HS6ST3: variants seen among roughly 807,000 people sequenced by gnomAD.
HS6ST3 encodes heparan sulfate 6-O-sulfotransferase 3, also known as heparan-sulfate 6-O-sulfotransferase 3.
In HS6ST3, 12 loss-of-function variants were observed where a neutral mutation model predicts 36.7. The ratio of observed to expected loss-of-function variants is 0.33; its 90% CI spans 0.21 to 0.53. The LOEUF (loss-of-function observed/expected upper bound fraction) is 0.53. Ranked by LOEUF, HS6ST3 falls within the 20% of genes least tolerant of loss-of-function variation. The pLI is 0.95. For synonymous variants in HS6ST3, 240 were observed against 257.5 expected (o/e 0.93, Z 0.65); for missense variants, 584 against 640.9 (o/e 0.91, Z 0.96).
At chr13:96,263,276 A>G (rs1285117672) in intron 1 of HS6ST3, among the ~76,000 whole-genome samples, 2 of 152,224 alleles carry the variant, frequency 1.3e-5, no homozygotes, top group East Asian at 1.9e-4. Context: ...TAAAGTTTCA[A>G]TATAGTTTTC....
intron 1 of HS6ST3, among the ~76,000 whole-genome samples, chr13:96,528,254 C>T (rs753217526): frequency 6.6e-6 from 1 of 152,120 alleles, no homozygotes; most frequent in Non-Finnish European, 1.5e-5. Flanking sequence ...TTACTTGAAA[C>T]AATATCTTAC....
At chr13:96,440,534 T>C (rs944715344) in intron 1 of HS6ST3, among the ~76,000 whole-genome samples, 1 of 127,616 alleles carries the variant, frequency 7.8e-6, no homozygotes, top group African/African-American at 3.2e-5. Flanking sequence ...GAAAAGAGGG[T>C]TTTCTTAGTT....
rs143534326 is a variant in HS6ST3, at chr13:96,548,657, C to G, written c.708-283833C>G. ...CATCTGTCATCAAATAAAGAATTGG[C>G]TTGTGTCCAAAATCTGCAGAGCCAG... is the stretch of plus-strand genomic sequence containing the variant. On this transcript the variant is annotated intron_variant, in intron 1 of 1. Transcript: ENST00000376705. 1.4e-3 allele frequency among the ~76,000 whole-genome samples: 219 copies of G among 152,270 alleles called. 1 individual carries two copies. Among genetic ancestry groups the G allele is most frequent in the African/African-American group, 5.1e-3 (213 of 41,584 alleles).
intron 1 of HS6ST3, among the ~76,000 whole-genome samples, chr13:96,265,817 A>G (rs867736426): frequency 2.6e-5 from 4 of 152,188 alleles, no homozygotes; most frequent in African/African-American, 4.8e-5. Flanking sequence ...TTAATTGCCT[A>G]TGAATTCCAT....
At chr13:96,341,038 C>T (rs1191191933) in intron 1 of HS6ST3, among the ~76,000 whole-genome samples, 1 of 152,070 alleles carries the variant, frequency 6.6e-6, no homozygotes, top group Non-Finnish European at 1.5e-5. Flanking sequence ...CATACATTTG[C>T]TATGGAATAA....
intron 1 of HS6ST3, among the ~76,000 whole-genome samples, chr13:96,535,465 G>A (rs2056151694): frequency 6.6e-6 from 1 of 151,768 alleles, no homozygotes; most frequent in East Asian, 1.9e-4. Context: ...GGCTGAGGCA[G>A]GAGAATCTCT....
chr13:96,513,441 A>T (rs2056058996), intron 1 of HS6ST3, among the ~76,000 whole-genome samples: 1 of 152,040 alleles, frequency 6.6e-6, no homozygotes, highest in Admixed American at 6.6e-5. Flanking sequence ...TAATTTAAAT[A>T]ACTTTGCTAA....
intron 1 of HS6ST3, among the ~76,000 whole-genome samples, chr13:96,679,228 A>G (rs1442020568): frequency 6.6e-6 from 1 of 151,368 alleles, no homozygotes; most frequent in African/African-American, 2.4e-5. Context: ...CTGGGTTCGA[A>G]GCATCAGTAG....
At chr13:96,627,640 A>G (rs1273196581) in intron 1 of HS6ST3, among the ~76,000 whole-genome samples, 1 of 151,902 alleles carries the variant, frequency 6.6e-6, no homozygotes, top group Non-Finnish European at 1.5e-5. Flanking sequence ...AAGACTCTCT[A>G]TGTAAAGTTA....
chr13:96,176,114 G>A (rs989626851), intron 1 of HS6ST3, among the ~76,000 whole-genome samples: 3 of 151,976 alleles, frequency 2.0e-5, no homozygotes, highest in African/African-American at 7.2e-5. Flanking sequence ...CAGGAGTGAG[G>A]CACCATTCCT....
intron 1 of HS6ST3, among the ~76,000 whole-genome samples, chr13:96,240,441 G>A (rs1333274976): frequency 6.6e-6 from 1 of 152,136 alleles, no homozygotes; most frequent in Non-Finnish European, 1.5e-5. Flanking sequence ...ATAATGTATT[G>A]TATATATTTT....
chr13:96,192,804 A>G (rs1024640352), intron 1 of HS6ST3, among the ~76,000 whole-genome samples: 1 of 152,134 alleles, frequency 6.6e-6, no homozygotes, highest in Non-Finnish European at 1.5e-5. Context: ...AAATATGAAA[A>G]TTTTTAAAAG....
intron 1 of HS6ST3, among the ~76,000 whole-genome samples, chr13:96,434,403 C>T (rs1447306913): frequency 6.6e-6 from 1 of 152,106 alleles, no homozygotes; most frequent in African/African-American, 2.4e-5. Flanking sequence ...AACCCAATTC[C>T]CTTCCTTCCT....
chr13:96,317,295 T>C (rs1220838460), intron 1 of HS6ST3, among the ~76,000 whole-genome samples: 2 of 146,762 alleles, frequency 1.4e-5, no homozygotes, highest in Non-Finnish European at 3.0e-5. Context: ...AGGACATGAC[T>C]TCATTCTTTT....
intron 1 of HS6ST3, among the ~76,000 whole-genome samples, chr13:96,108,783 G>A (rs1430799184): frequency 6.6e-6 from 1 of 152,206 alleles, no homozygotes; most frequent in Non-Finnish European, 1.5e-5. Flanking sequence ...TAGAAAAGAA[G>A]TAGCCACAGG....
At chr13:96,773,388 G>C (rs1877314527) in intron 1 of HS6ST3, among the ~76,000 whole-genome samples, 1 of 148,028 alleles carries the variant, frequency 6.8e-6, no homozygotes. Context: ...GGCCCCCTAT[G>C]GAGCCCCCTA....
In HS6ST3 at chr13:96,553,977, T is replaced by TGTGC. The variant is rs1316542123; in HGVS notation, c.708-278500_708-278497dup. Among the ~76,000 whole-genome samples, 5 of 152,266 alleles carry TGTGC rather than the reference T, an allele frequency of 3.3e-5. No individual in the cohort carries two copies. In the East Asian group the frequency reaches 5.8e-4, roughly 18 times the overall value. ...CAATAAATCGCATTAGGGAGGTCTG[T>TGTGC]GTGCGTGCGTGCGTGCATGTGTGTG... On this transcript the variant is annotated intron_variant, in intron 1 of 1. Transcript: ENST00000376705.
At chr13:96,281,588 G>A (rs530322371) in intron 1 of HS6ST3, among the ~76,000 whole-genome samples, 1 of 152,310 alleles carries the variant, frequency 6.6e-6, no homozygotes, top group East Asian at 1.9e-4. Context: ...ACTGTCACCA[G>A]TCTGAAGTGG....
chr13:96,373,847 A>G (rs1258178053), intron 1 of HS6ST3, among the ~76,000 whole-genome samples: 1 of 152,178 alleles, frequency 6.6e-6, no homozygotes, highest in Non-Finnish European at 1.5e-5. Flanking sequence ...CGACATGAAA[A>G]GCACTACTAT....
Sources: gnomAD v4.1 joint callset for allele counts (sites outside exome capture counted in the v4.1 genomes callset) on GRCh38, gnomAD v4.1.1 for gene constraint, MANE v1.5 for transcripts, NCBI Gene and HGNC (gene_info 2026-07-23, HGNC 2026-07-21) for gene names.